Variants in GRID2 observed in about 807,000 individuals in gnomAD.
GRID2 encodes glutamate ionotropic receptor delta type subunit 2.
A neutral mutation model predicts 114.8 loss-of-function variants in GRID2; 33 were observed. The ratio of observed to expected loss-of-function variants is 0.29; its 90% CI spans 0.22 to 0.38. The LOEUF (loss-of-function observed/expected upper bound fraction) is 0.38. GRID2 is among the 10% of genes least tolerant of loss of function. The pLI is 1.00. For synonymous variants in GRID2, 505 were observed against 449.9 expected (o/e 1.12, Z -1.55); for missense variants, 1,184 against 1,257.7 (o/e 0.94, Z 0.89).
chr4:92,485,336 A>AG lies in GRID2; in HGVS notation c.89-104795_89-104794insG, dbSNP rs1280662159. Among the ~76,000 whole-genome samples, 234 of 98,506 alleles carry AG rather than the reference A, an allele frequency of 2.4e-3. 1 individual carries two copies. The highest frequency in any genetic ancestry group is 4.5e-3 in the African/African-American group (120 of 26,460). 64.6% of individuals were successfully genotyped at this position (98,506 alleles called of 152,430 possible). A position where few individuals can be genotyped will look rare whatever the true frequency, so the allele number is the denominator to read the frequency against. The stretch of plus-strand genomic sequence containing the variant: ...TATATATATATATATATATATATAT[A>AG]TATATATATATAGTGTGTGTGTGTG... On this transcript the variant is annotated intron_variant, in intron 1 of 15. Coordinates refer to ENST00000282020, the MANE Select transcript of GRID2 (RefSeq NM_001510.4).
At chr4:92,780,147 C>T (rs548771550) in intron 2 of GRID2, among the ~76,000 whole-genome samples, 119 of 152,168 alleles carry the variant, frequency 7.8e-4, no homozygotes, top group African/African-American at 2.5e-3. Flanking sequence ...ATCTTAGACA[C>T]GCAATTTAGA....
At chr4:92,624,183 G>A (rs1579707964) in intron 2 of GRID2, among the ~76,000 whole-genome samples, 2 of 151,886 alleles carry the variant, frequency 1.3e-5, no homozygotes, top group East Asian at 3.9e-4. Flanking sequence ...ACAGTCCTAT[G>A]ACGTAGTGTT....
chr4:92,766,973 C>A (rs1738298764), intron 2 of GRID2, among the ~76,000 whole-genome samples: 1 of 152,168 alleles, frequency 6.6e-6, no homozygotes, highest in Non-Finnish European at 1.5e-5. Context: ...CTAATAGTCC[C>A]CAATATTCAT....
chr4:93,538,062 A>T (rs985932811), intron 13 of GRID2, among the ~76,000 whole-genome samples: 7 of 151,792 alleles, frequency 4.6e-5, no homozygotes, highest in African/African-American at 1.4e-4. Flanking sequence ...TTCTCTTTTT[A>T]AAATTTTTAT....
At chr4:93,594,777 C>A (rs1014349522) in intron 13 of GRID2, among the ~76,000 whole-genome samples, 2 of 152,126 alleles carry the variant, frequency 1.3e-5, no homozygotes, top group African/African-American at 4.8e-5. Flanking sequence ...TTAAGCCCGT[C>A]GGAAAAGCGC....
downstream of GRID2, among the ~76,000 whole-genome samples, chr4:93,775,646 C>A (rs1477460112): frequency 2.0e-5 from 3 of 152,208 alleles, no homozygotes; most frequent in South Asian, 2.1e-4. Flanking sequence ...CACTACAAGA[C>A]AAAATACCTT....
chr4:93,547,343 G>A (rs756951935), intron 13 of GRID2, among the ~76,000 whole-genome samples: 6 of 152,062 alleles, frequency 3.9e-5, no homozygotes, highest in African/African-American at 1.4e-4. Flanking sequence ...AATATTCCCC[G>A]ATTATATACT....
intron 9 of GRID2, among the ~76,000 whole-genome samples, chr4:93,407,330 G>A (rs1047593200): frequency 1.3e-5 from 2 of 152,122 alleles, no homozygotes; most frequent in African/African-American, 4.8e-5. Flanking sequence ...CTCCTTCTGG[G>A]AGGTGGGAAG....
Position 93,506,809 on chromosome 4 carries a change from G to A in GRID2, c.1998-8407G>A, listed in dbSNP as rs534964272. On this transcript the variant is annotated intron_variant, in intron 12 of 15. Transcript: ENST00000282020. ...CTGCCTTGCCTGGTATCATTCTACC[G>A]TGCTGGCCTCAGACCTCAGCTTGCT... Among the ~76,000 whole-genome samples, 13 of 152,156 alleles carry A rather than the reference G, an allele frequency of 8.5e-5. No individual in the cohort carries two copies. The East Asian group carries it at 1.2e-3, about 14-fold the overall frequency.
chr4:93,308,502 C>A (rs6532399), intron 8 of GRID2, among the ~76,000 whole-genome samples: 8,326 of 152,086 alleles, frequency 0.055, 775 homozygotes, highest in African/African-American at 0.19. Flanking sequence ...TAAACTCAGT[C>A]GAAGTGAGCT....
intron 2 of GRID2, among the ~76,000 whole-genome samples, chr4:93,078,540 G>T (rs1017091168): frequency 6.6e-6 from 1 of 150,426 alleles, no homozygotes. Flanking sequence ...TTGAAGAATT[G>T]TTACTAAAAT....
rs540312235 is a variant in GRID2, at chr4:93,035,962, C to T, written c.245-49033C>T. Among the ~76,000 whole-genome samples the T allele has an allele frequency of 1.4e-4, 22 of 152,246 alleles. 1 individual carries two copies. The South Asian group carries it at 4.6e-3, about 32-fold the overall frequency. On this transcript the variant is annotated intron_variant, in intron 2 of 15. Transcript: ENST00000282020. ...CTAGGAGATGAGGATAACCAGGGAACATCATAGAGGCTGCCAGCCACAATC... is the reference window on the plus strand; with the variant it reads ...CTAGGAGATGAGGATAACCAGGGAATATCATAGAGGCTGCCAGCCACAATC...
intron 8 of GRID2, among the ~76,000 whole-genome samples, chr4:93,387,312 A>AT (rs1302899565): frequency 2.0e-5 from 3 of 152,154 alleles, no homozygotes; most frequent in Non-Finnish European, 4.4e-5. Context: ...AAAACAACTT[A>AT]TTTTATTCTC....
chr4:93,450,583 T>G (rs1722595287), intron 10 of GRID2, among the ~76,000 whole-genome samples: 1 of 151,876 alleles, frequency 6.6e-6, no homozygotes, highest in African/African-American at 2.4e-5. Flanking sequence ...TGTCTAAGCT[T>G]CTAAGATTCA....
chr4:93,777,059 GC>G (rs1241619888), downstream of GRID2, among the ~76,000 whole-genome samples: 1 of 152,188 alleles, frequency 6.6e-6, no homozygotes, highest in African/African-American at 2.4e-5. Context: ...GACACAGGAT[GC>G]AGTGTGGCCC....
chr4:93,494,980 A>G (rs1727388170), intron 12 of GRID2, among the ~76,000 whole-genome samples: 2 of 151,818 alleles, frequency 1.3e-5, no homozygotes, highest in African/African-American at 4.8e-5. Context: ...CATAAAAGTG[A>G]AAATAGCTAT....
At chr4:92,669,958 T>G (rs1280231433) in intron 2 of GRID2, among the ~76,000 whole-genome samples, 1 of 152,046 alleles carries the variant, frequency 6.6e-6, no homozygotes, top group East Asian at 1.9e-4. Flanking sequence ...ATTGAGCTAT[T>G]CCTCATTATG....
chr4:92,462,827 C>T (rs1264096877), intron 1 of GRID2, among the ~76,000 whole-genome samples: 1 of 151,942 alleles, frequency 6.6e-6, no homozygotes, highest in Non-Finnish European at 1.5e-5. Context: ...CATGTGGCTA[C>T]TCAACTATAT....
intron 2 of GRID2, among the ~76,000 whole-genome samples, chr4:92,783,119 T>G (rs1404574392): frequency 5.9e-5 from 9 of 152,132 alleles, no homozygotes; most frequent in Admixed American, 1.3e-4. Flanking sequence ...GCTTGAGATA[T>G]GTTATGCTTA....
Sources: allele counts gnomAD v4.1 joint callset (sites outside exome capture counted in the v4.1 genomes callset), GRCh38; gene constraint gnomAD v4.1.1; transcripts MANE v1.5; gene names NCBI Gene and HGNC (gene_info 2026-07-23, HGNC 2026-07-21).